The following KALRN variants were observed in gnomAD, a reference collection of about 807,000 sequenced individuals.
The protein encoded by KALRN is kalirin RhoGEF kinase.
A neutral mutation model predicts 353.7 loss-of-function variants in KALRN; 70 were observed. The ratio of observed to expected loss-of-function variants is 0.20; its 90% confidence interval spans 0.16 to 0.24. KALRN has a LOEUF of 0.24. KALRN is among the 10% of genes least tolerant of loss of function. The probability of loss-of-function intolerance (pLI) is 1.00; values close to 1 mark genes in which losing one functional copy is unlikely to be tolerated. For missense variants in KALRN, 2,791 were observed against 3,756.7 expected, an observed-to-expected ratio of 0.74 and a Z score of 6.72; for synonymous variants, 1,391 against 1,434.8, an observed-to-expected ratio of 0.97 and a Z score of 0.69.
chr3:124,176,024 G>GC (rs1366586620), intron 1 of KALRN, among the ~76,000 whole-genome samples: 1 of 151,940 alleles, frequency 6.6e-6, no homozygotes. Context: ...AGACCCAGTA[G>GC]CCCCCCTTTA....
In KALRN at chr3:124,334,489, A is replaced by C; in HGVS notation, c.1641A>C (p.Val547=). 1 of 1,610,678 alleles carries C rather than the reference A, an allele frequency of 6.2e-7. No individual in the cohort carries two copies. Among genetic ancestry groups the C allele is most frequent in the Non-Finnish European group, 8.5e-7 (1 of 1,177,440 alleles). ...AGCTCTGCGTCTTCCAGCAGGATGT[A>C]CAGCAGGTAACAGGCTCTGAGCCCC... ...RLQLCVFQQD[V]QQVLDWIENH... The change falls in exon 9 of 60, where the codon GTA becomes GTC. Residue 547 remains valine (V), a synonymous_variant. Transcript: ENST00000682506. This position sits in a 1 kb window ranked among gnomAD's most constrained non-coding sequence, Gnocchi z 4.2.
rs748202694 is a variant in KALRN, at chr3:124,268,881, G to A, written c.595G>A (p.Ala199Thr). 6 of 1,613,980 alleles carry A rather than the reference G, an allele frequency of 3.7e-6. No individual in the cohort carries two copies. The highest frequency in any genetic ancestry group is 4.2e-6 in the Non-Finnish European group (5 of 1,180,022). The change falls in exon 5 of 60, where the codon GCC becomes ACC. Residue 199 changes from alanine to threonine, a missense_variant. Around this residue, in one of 11 missense-constraint regions of KALRN, gnomAD observed 366 missense variants for 489.2 expected, o/e 0.75. Transcript: ENST00000682506. ...RLSLEEFFNS[A>T]VHLLSRLEDL... ...CTCCCTGGAGGAGTTCTTCAACAGCGCCGTGCACCTGCTCTCGCGCCTCGA... is the reference window on the plus strand; with the variant it reads ...CTCCCTGGAGGAGTTCTTCAACAGCACCGTGCACCTGCTCTCGCGCCTCGA...
At chr3:124,244,619 G>A (rs1339704354) in intron 3 of KALRN, among the ~76,000 whole-genome samples, 3 of 152,122 alleles carry the variant, frequency 2.0e-5, no homozygotes, top group African/African-American at 7.2e-5. Context: ...TTATACTATA[G>A]GAATATTTTC....
At chr3:124,678,483 C>CT (rs1578903971) in intron 50 of KALRN, 170 bp downstream of exon 50, 2 of 620,468 alleles carry the variant, frequency 3.2e-6, no homozygotes, top group East Asian at 6.3e-5. Flanking sequence ...TATTTTTTAT[C>CT]TTTTATTTCT....
intron 1 of KALRN, among the ~76,000 whole-genome samples, chr3:124,112,137 T>C (rs185805994): frequency 1.3e-5 from 2 of 152,114 alleles, no homozygotes; most frequent in East Asian, 1.9e-4. Context: ...ACCTTGCCTC[T>C]ACCAAAAACA....
At chr3:124,078,763 G>A (rs549493609) in intron 1 of KALRN, among the ~76,000 whole-genome samples, 8 of 152,248 alleles carry the variant, frequency 5.3e-5, no homozygotes, top group African/African-American at 1.9e-4. Flanking sequence ...GCATTTACTC[G>A]CAAGCACTTA....
At chr3:124,340,574 A>G (rs1305551667) in intron 9 of KALRN, among the ~76,000 whole-genome samples, 12 of 152,170 alleles carry the variant, frequency 7.9e-5, no homozygotes, top group Non-Finnish European at 1.6e-4. Flanking sequence ...GTACTTACAA[A>G]GTCCTTAAGA....
chr3:124,357,252 C>T (rs1341548402), intron 10 of KALRN, among the ~76,000 whole-genome samples: 1 of 152,192 alleles, frequency 6.6e-6, no homozygotes, highest in Non-Finnish European at 1.5e-5. Flanking sequence ...GCCTCATTAT[C>T]TCTTGCTTGG....
intron 1 of KALRN, among the ~76,000 whole-genome samples, chr3:124,114,634 A>G (rs889937360): frequency 2.0e-5 from 3 of 152,202 alleles, no homozygotes; most frequent in African/African-American, 7.2e-5. Flanking sequence ...CTCCAGCAAC[A>G]GCGGGCAGCC....
At chr3:124,287,778 T>C (rs2076052683) in intron 5 of KALRN, among the ~76,000 whole-genome samples, 2 of 3,702 alleles carry the variant, frequency 5.4e-4, no homozygotes, top group African/African-American at 1.4e-3. Flanking sequence ...AAGATATATA[T>C]ATATATATAT....
At chr3:124,034,204 G>T (rs1164050701) in intron 1 of KALRN, among the ~76,000 whole-genome samples, 5 of 151,956 alleles carry the variant, frequency 3.3e-5, no homozygotes, top group African/African-American at 4.8e-5. Context: ...CTGTCAGCGG[G>T]GCTCCCGGCG....
intron 46 of KALRN, 132 bp from the exon 47 acceptor site, chr3:124,666,880 A>G: frequency 1.1e-6 from 1 of 911,934 alleles, no homozygotes; most frequent in Non-Finnish European, 1.6e-6. Flanking sequence ...CAAAAACCTA[A>G]GTACTGTCCT....
rs79915320 is a variant in KALRN, at chr3:124,223,177, T to A, written c.74-4813T>A. Among the ~76,000 whole-genome samples, 145 of 152,072 alleles carry A rather than the reference T, an allele frequency of 9.5e-4. No homozygotes were observed. The East Asian group carries it at 0.016, about 16-fold the overall frequency. ...AGCCCCCTTGGAGAGCAGGATCCAT[T>A]TCTTATTTGTCTTACTGTCACTGAA... On this transcript the variant is annotated intron_variant, in intron 1 of 59. Transcript: ENST00000682506.
intron 33 of KALRN, among the ~76,000 whole-genome samples, chr3:124,521,257 C>CTAA (rs2067139426): frequency 6.6e-6 from 1 of 152,172 alleles, no homozygotes. Context: ...AAGCGCTGGG[C>CTAA]ATTATGAAGT....
In KALRN at chr3:124,663,199, G is replaced by A. The variant is rs558527551; in HGVS notation, c.6345+1271G>A. Among the ~76,000 whole-genome samples, 39 of 152,200 alleles carry A rather than the reference G, an allele frequency of 2.6e-4. No individual in the cohort carries two copies. In the South Asian group the frequency reaches 5.8e-3, roughly 23 times the overall value. ...CGACCTCAGGTGATCCGCCCGCCTC[G>A]GCCTCCCAAAGTGCTGGGATTATAG... On this transcript the variant is annotated intron_variant, in intron 45 of 59. Transcript: ENST00000682506.
chr3:124,554,639 G>T (rs1423005459), intron 33 of KALRN, among the ~76,000 whole-genome samples: 2 of 152,056 alleles, frequency 1.3e-5, no homozygotes, highest in Non-Finnish European at 2.9e-5. Context: ...TGTTTCCTCT[G>T]AGTTCCTGGT....
At chr3:124,615,756 A>G (rs62267610) in intron 34 of KALRN, among the ~76,000 whole-genome samples, 13,503 of 152,242 alleles carry the variant, frequency 0.089, 656 homozygotes, top group East Asian at 0.13. Flanking sequence ...TTTAGTGTGG[A>G]ATCTGTGCTC....
At chr3:124,357,354 A>G (rs958057181) in intron 10 of KALRN, among the ~76,000 whole-genome samples, 1 of 152,132 alleles carries the variant, frequency 6.6e-6, no homozygotes, top group African/African-American at 2.4e-5. Flanking sequence ...CTCAAATGCA[A>G]TCTCATCATC....
At chr3:124,101,262 G>A (rs1293821873) in intron 1 of KALRN, among the ~76,000 whole-genome samples, 2 of 152,178 alleles carry the variant, frequency 1.3e-5, no homozygotes, top group Non-Finnish European at 2.9e-5. Context: ...CTGCTGAGGG[G>A]TTTGGAGGTA....
Sources: gnomAD v4.1 joint callset for allele counts (sites outside exome capture counted in the v4.1 genomes callset) on GRCh38, gnomAD v4.1.1 for gene constraint, gnomAD v4.1.1 regional missense constraint, Gnocchi (gnomAD v3.1) non-coding constraint, MANE v1.5 for transcripts, NCBI Gene and HGNC (gene_info 2026-07-23, HGNC 2026-07-21) for gene names.